Variants in SEL1L3 observed in about 807,000 individuals in gnomAD.
SEL1L3 encodes the protein SEL1L family member 3.
A neutral mutation model predicts 142.8 loss-of-function variants in SEL1L3; 76 were observed. The observed-to-expected ratio is 0.53, with a 90% CI of 0.44 to 0.64. The LOEUF is 0.64. Ranked by LOEUF, SEL1L3 falls within the 30% of genes least tolerant of loss-of-function variation. The pLI is 0.00. For synonymous variants in SEL1L3, 504 were observed against 519.6 expected (o/e 0.97, Z 0.41); for missense variants, 1,262 against 1,381.7 (o/e 0.91, Z 1.37).
At position 25,818,208 on chromosome 4, in the gene SEL1L3, G is replaced by A. The variant is rs1577652435; in HGVS notation, c.1494C>T (p.Pro498=). ...YGRPSMCRAF[P]WEKELKDKHP... ...GTTTGTCTTTCAGCTCCTTCTCCCA[G>A]GGGAAGGCTCTGCACATCGAGGGTC... Residue 498 remains proline (P), a synonymous_variant, in exon 9 of 24, where the codon CCC becomes CCT. Transcript: ENST00000399878. 6.2e-7 allele frequency: 1 copy of A among 1,606,582 alleles called. No individual in the cohort carries two copies. The highest frequency in any genetic ancestry group is 8.5e-7 in the Non-Finnish European group (1 of 1,176,546).
chr4:25,798,515 G>A (rs376760458), intron 11 of SEL1L3, among the ~76,000 whole-genome samples: 2 of 152,130 alleles, frequency 1.3e-5, no homozygotes, highest in Non-Finnish European at 2.9e-5. Flanking sequence ...AGGATGGGAA[G>A]GCACAAGACT....
the SEL1L3 span, among the ~76,000 whole-genome samples, chr4:25,726,773 G>A: frequency 3.0e-4 from 43 of 144,736 alleles, no homozygotes; most frequent in African/African-American, 1.1e-3. Flanking sequence ...GTCTTAATAA[G>A]TACTATTTTT....
downstream of SEL1L3, among the ~76,000 whole-genome samples, chr4:25,746,051 G>A (rs1182889896): frequency 6.6e-6 from 1 of 152,188 alleles, no homozygotes; most frequent in African/African-American, 2.4e-5. Flanking sequence ...GTGTTGAAAT[G>A]TAATCCCCCA....
At chr4:25,768,196 T>C (rs1718893009) in intron 17 of SEL1L3, among the ~76,000 whole-genome samples, 1 of 152,102 alleles carries the variant, frequency 6.6e-6, no homozygotes. Context: ...TGCTTTGGAG[T>C]CCTCTGTTTT....
At chr4:25,750,234 CAA>C (rs10718046) in intron 23 of SEL1L3, among the ~76,000 whole-genome samples, 159 of 105,058 alleles carry the variant, frequency 1.5e-3, no homozygotes, top group Middle Eastern at 4.5e-3. Flanking sequence ...GACTCCATCT[CAA>C]AAAAAAAAAA....
intron 20 of SEL1L3, among the ~76,000 whole-genome samples, chr4:25,762,974 CAAA>C (rs34744540): frequency 2.7e-4 from 30 of 112,880 alleles, no homozygotes; most frequent in Admixed American, 5.3e-4. Flanking sequence ...GACTCTGTGT[CAAA>C]AAAAAAAAAA....
intron 6 of SEL1L3, among the ~76,000 whole-genome samples, chr4:25,828,115 G>A (rs963086994): frequency 6.6e-6 from 1 of 151,998 alleles, no homozygotes; most frequent in African/African-American, 2.4e-5. Flanking sequence ...CTCTCCCTAG[G>A]CCTCAGCCGC....
chr4:25,749,280 T>C (rs1717436034), intron 23 of SEL1L3, among the ~76,000 whole-genome samples: 1 of 152,152 alleles, frequency 6.6e-6, no homozygotes, highest in African/African-American at 2.4e-5. Context: ...CTGAGGAAGT[T>C]AATGAAGTAC....
At chr4:25,863,550 G>C, upstream of SEL1L3, 1 of 702,424 alleles carries the variant, frequency 1.4e-6, no homozygotes, top group South Asian at 1.5e-5. Flanking sequence ...CCCTGGAGTT[G>C]TGCCGCGCAG....
intron 2 of SEL1L3, among the ~76,000 whole-genome samples, chr4:25,839,480 G>A (rs1208330124): frequency 1.3e-5 from 2 of 152,188 alleles, no homozygotes; most frequent in East Asian, 1.9e-4. Flanking sequence ...TCTGTCAGGC[G>A]ATGCAACGCT....
chr4:25,728,534 T>C, the SEL1L3 span, among the ~76,000 whole-genome samples: 1 of 152,114 alleles, frequency 6.6e-6, no homozygotes, highest in East Asian at 1.9e-4. Flanking sequence ...TGCCCTTTCC[T>C]ACCTACCTGT....
At chr4:25,714,500 TTTTCTTTCTTTC>T in the SEL1L3 span, among the ~76,000 whole-genome samples, 5,544 of 108,902 alleles carry the variant, frequency 0.051, 154 homozygotes, top group Middle Eastern at 0.1. Flanking sequence ...CTTTCTTTCT[TTTTCTTTCTTTC>T]TTTCTTTCTT....
chr4:25,769,739 G>A (rs913435077), intron 17 of SEL1L3, among the ~76,000 whole-genome samples: 6 of 152,210 alleles, frequency 3.9e-5, no homozygotes, highest in African/African-American at 1.4e-4. Context: ...AGGAGACAGT[G>A]TAGACCTGCA....
intron 5 of SEL1L3, 113 bp downstream of exon 5, chr4:25,832,882 T>A (rs1715533492): frequency 1.5e-6 from 1 of 658,262 alleles, no homozygotes; most frequent in Non-Finnish European, 2.7e-6. Flanking sequence ...AACGAGTCTA[T>A]CATTTACCAC....
At chr4:25,855,558 C>T (rs1413355889) in intron 1 of SEL1L3, among the ~76,000 whole-genome samples, 1 of 152,240 alleles carries the variant, frequency 6.6e-6, no homozygotes, top group East Asian at 1.9e-4. Context: ...GAGTTTGAGA[C>T]CAGCCTGGTC....
intron 6 of SEL1L3, among the ~76,000 whole-genome samples, chr4:25,829,578 C>A (rs1715312075): frequency 6.6e-6 from 1 of 152,160 alleles, no homozygotes; most frequent in Admixed American, 6.5e-5. Flanking sequence ...TTATGAAACA[C>A]AGGCAGGAAA....
intron 9 of SEL1L3, among the ~76,000 whole-genome samples, chr4:25,812,219 C>T (rs1412124067): frequency 1.3e-5 from 2 of 152,166 alleles, no homozygotes; most frequent in Non-Finnish European, 2.9e-5. Flanking sequence ...ATACCTCATC[C>T]ACCCACACTC....
intron 12 of SEL1L3, among the ~76,000 whole-genome samples, chr4:25,789,543 C>A (rs1712129293): frequency 6.7e-6 from 1 of 149,568 alleles, no homozygotes; most frequent in Non-Finnish European, 1.5e-5. Context: ...TATGATCACG[C>A]CACTGAGCTT....
the SEL1L3 span, among the ~76,000 whole-genome samples, chr4:25,738,971 C>T: frequency 1.1e-4 from 17 of 151,926 alleles, no homozygotes; most frequent in East Asian, 2.1e-3. Flanking sequence ...TTTGGGAGGC[C>T]GAGGCGGGCA....
Sources: allele counts gnomAD v4.1 joint callset (sites outside exome capture counted in the v4.1 genomes callset), GRCh38; gene constraint gnomAD v4.1.1; transcripts MANE v1.5; gene names NCBI Gene and HGNC (gene_info 2026-07-23, HGNC 2026-07-21).